Variants in TRAPPC9 observed in about 807,000 individuals in gnomAD.
TRAPPC9 encodes the protein trafficking protein particle complex subunit 9.
TRAPPC9 carries 83 observed loss-of-function variants against 124.0 expected under a neutral mutation model. The observed-to-expected ratio is 0.67, with a 90% confidence interval of 0.56 to 0.80. The LOEUF is 0.80. Ranked by LOEUF, TRAPPC9 falls within the 30% of genes least tolerant of loss-of-function variation. TRAPPC9 has a pLI of 0.00. For missense variants in TRAPPC9, 1,302 were observed against 1,508.3 expected, an observed-to-expected ratio of 0.86 and a Z score of 2.27; for synonymous variants, 638 against 617.5, an observed-to-expected ratio of 1.03 and a Z score of -0.49.
rs541622620 is a variant in TRAPPC9, at chr8:140,275,954, T to A, written c.2115-133A>T. On this transcript the variant is annotated intron_variant, in intron 14 of 22. Transcript: ENST00000438773. ...CAGGGGCTAGGAAATCTGGGCTTCA[T>A]ATATGGAGTTCAGTATCCAGCTCTC... 12 of 728,292 alleles carry A rather than the reference T, an allele frequency of 1.6e-5. No homozygotes were observed. In the East Asian group the frequency reaches 1.9e-4, roughly 11 times the overall value. 45.1% of individuals were successfully genotyped at this position (728,292 alleles called of 1,614,324 possible). A position where few individuals can be genotyped will look rare whatever the true frequency, so the allele number is the denominator to read the frequency against.
intron 21 of TRAPPC9, among the ~76,000 whole-genome samples, chr8:139,819,378 A>G (rs530184911): frequency 1.4e-4 from 21 of 152,184 alleles, no homozygotes; most frequent in Non-Finnish European, 2.6e-4. Flanking sequence ...TGCACGATAA[A>G]TGTAACAGGC....
intron 19 of TRAPPC9, among the ~76,000 whole-genome samples, chr8:139,944,300 A>G (rs1834079100): frequency 6.6e-6 from 1 of 152,234 alleles, no homozygotes; most frequent in African/African-American, 2.4e-5. Context: ...GAAGACCATC[A>G]GAAATAGTAA....
At chr8:139,855,652 C>A (rs1827754566) in intron 21 of TRAPPC9, among the ~76,000 whole-genome samples, 1 of 152,202 alleles carries the variant, frequency 6.6e-6, no homozygotes, top group African/African-American at 2.4e-5. Context: ...TCAGCCCAGG[C>A]CCTGGCGCCT....
At position 140,257,603 on chromosome 8, in the gene TRAPPC9, TG is replaced by T. The variant is rs1034766123; in HGVS notation, c.2279-4675del. 6.6e-6 allele frequency among the ~76,000 whole-genome samples: 1 copy of T among 152,168 alleles called. No individual in the cohort carries two copies. Among genetic ancestry groups the T allele is most frequent in the Non-Finnish European group, 1.5e-5 (1 of 68,030 alleles). On this transcript the variant is annotated intron_variant, in intron 15 of 22. Transcript: ENST00000438773. This position sits in a 1 kb window ranked among gnomAD's most constrained non-coding sequence, Gnocchi z 4.6. ...TGACACCTCCAATAGACTCCTAGCATGGGGGGTCCCTGAATATGCCGAATGC... is the reference window on the plus strand; with the variant it reads ...TGACACCTCCAATAGACTCCTAGCATGGGGGTCCCTGAATATGCCGAATGC...
intron 16 of TRAPPC9, among the ~76,000 whole-genome samples, chr8:140,229,251 C>CTTTTTTTTTTTTTTTTTTTTTTTT (rs528175891): frequency 2.0e-5 from 2 of 99,832 alleles, no homozygotes; most frequent in African/African-American, 4.6e-5. Context: ...TTTTCTTTTT[C>CTTTTTTTTTTTTTTTTTTTTTTTT]TTTTTTTTTT....
rs927757522 is a variant in TRAPPC9 at position 140,115,113 on chromosome 8, C to A, written c.2557-91034G>T. ...GCCATGGGGAATTGGCTCCAGGAACCCCACAGACACCGAAATCCTTGATTC... is the reference window on the plus strand; with the variant it reads ...GCCATGGGGAATTGGCTCCAGGAACACCACAGACACCGAAATCCTTGATTC... On this transcript the variant is annotated intron_variant, in intron 17 of 22. Coordinates refer to ENST00000438773, the MANE Select transcript of TRAPPC9 (RefSeq NM_001160372.4). 4.6e-5 allele frequency among the ~76,000 whole-genome samples: 7 copies of A among 152,158 alleles called. No individual in the cohort carries two copies. The East Asian group carries it at 9.7e-4, about 21-fold the overall frequency.
intron 9 of TRAPPC9, among the ~76,000 whole-genome samples, chr8:140,336,159 T>G (rs191757696): frequency 7.2e-5 from 11 of 152,282 alleles, no homozygotes; most frequent in African/African-American, 2.4e-4. Context: ...TCTGCTCAGT[T>G]TTCTCCCCCA....
chr8:140,339,797 T>C (rs1005716502), intron 9 of TRAPPC9, among the ~76,000 whole-genome samples: 9 of 152,240 alleles, frequency 5.9e-5, no homozygotes, highest in African/African-American at 1.9e-4. Flanking sequence ...TACATTTTCA[T>C]CACTGAAGTC....
chr8:139,890,590 A>G (rs1830278337), intron 20 of TRAPPC9, among the ~76,000 whole-genome samples: 5 of 152,002 alleles, frequency 3.3e-5, no homozygotes, highest in Middle Eastern at 6.8e-3. Flanking sequence ...ATTGTGAGGG[A>G]CCCCTTCCCG....
intron 21 of TRAPPC9, among the ~76,000 whole-genome samples, chr8:139,787,931 G>A (rs1822387420): frequency 6.6e-6 from 1 of 152,142 alleles, no homozygotes; most frequent in South Asian, 2.1e-4. Context: ...AATCGGGTGG[G>A]GGCATGAAAG....
chr8:140,044,964 G>A (rs1266523457), intron 17 of TRAPPC9, among the ~76,000 whole-genome samples: 1 of 152,212 alleles, frequency 6.6e-6, no homozygotes, highest in African/African-American at 2.4e-5. Flanking sequence ...TAGGATTGGT[G>A]AAGAGTCAAT....
chr8:140,360,318 CA>C, intron 8 of TRAPPC9, 125 bp from the exon 9 acceptor site: 3 of 1,238,330 alleles, frequency 2.4e-6, no homozygotes, highest in South Asian at 1.3e-5. Context: ...CCAAGAGCAA[CA>C]AAAAATATTT....
chr8:140,356,370 A>T (rs1469698421), intron 9 of TRAPPC9, among the ~76,000 whole-genome samples: 1 of 152,142 alleles, frequency 6.6e-6, no homozygotes, highest in Non-Finnish European at 1.5e-5. Context: ...AAGGCCTCAC[A>T]TGTCTGGAGT....
chr8:140,327,819 T>C (rs2066779702), intron 9 of TRAPPC9, among the ~76,000 whole-genome samples: 1 of 152,182 alleles, frequency 6.6e-6, no homozygotes, highest in South Asian at 2.1e-4. Context: ...ACGAAAAAGT[T>C]CTAGAAATGG....
intron 5 of TRAPPC9, among the ~76,000 whole-genome samples, chr8:140,410,033 T>G (rs985244324): frequency 6.8e-6 from 1 of 146,990 alleles, no homozygotes; most frequent in Admixed American, 7.0e-5. Context: ...CCCAGCTACT[T>G]GGGAGGCTGA....
chr8:140,018,242 T>C (rs1354061200), intron 18 of TRAPPC9, among the ~76,000 whole-genome samples: 5 of 152,212 alleles, frequency 3.3e-5, no homozygotes, highest in Non-Finnish European at 7.3e-5. Flanking sequence ...CTAAGTGTTT[T>C]ATTATTTTGA....
At chr8:140,022,102 A>G (rs994028421) in intron 18 of TRAPPC9, among the ~76,000 whole-genome samples, 1 of 152,214 alleles carries the variant, frequency 6.6e-6, no homozygotes, top group African/African-American at 2.4e-5. Context: ...AGCACTGGGA[A>G]AGTATGTGCC....
At chr8:139,949,717 T>C (rs1834514396) in intron 19 of TRAPPC9, among the ~76,000 whole-genome samples, 1 of 150,600 alleles carries the variant, frequency 6.6e-6, no homozygotes, top group Non-Finnish European at 1.5e-5. Context: ...CAAAAGTAGA[T>C]CAATGGTTGC....
intron 21 of TRAPPC9, among the ~76,000 whole-genome samples, chr8:139,833,495 T>C (rs10099096): frequency 0.6 from 90,570 of 152,144 alleles, 29,984 homozygotes; most frequent in African/African-American, 0.88. Flanking sequence ...TCACGAAGAA[T>C]CCGGCCACGG....
Sources: allele counts gnomAD v4.1 joint callset (sites outside exome capture counted in the v4.1 genomes callset), GRCh38; gene constraint gnomAD v4.1.1; non-coding constraint Gnocchi (gnomAD v3.1); transcripts MANE v1.5; gene names NCBI Gene and HGNC (gene_info 2026-07-23, HGNC 2026-07-21).